The following AUTS2 variants were observed in gnomAD, a reference collection of about 807,000 sequenced individuals.
AUTS2 encodes the protein activator of transcription and developmental regulator AUTS2.
In AUTS2, 17 loss-of-function variants were observed where a neutral mutation model predicts 112.4. The ratio of observed to expected loss-of-function variants is 0.15; its 90% CI spans 0.10 to 0.23. The LOEUF (loss-of-function observed/expected upper bound fraction) is 0.23. AUTS2 is among the 10% of genes least tolerant of loss of function. The pLI, the probability that AUTS2 is intolerant of heterozygous loss-of-function variation, is 1.00. For missense variants in AUTS2, 1,510 were observed against 1,701.6 expected, an observed-to-expected ratio of 0.89 and a Z score of 1.98; for synonymous variants, 751 against 702.7, an observed-to-expected ratio of 1.07 and a Z score of -1.09.
At chr7:70,206,703 C>G (rs1810592344) in intron 4 of AUTS2, among the ~76,000 whole-genome samples, 1 of 152,164 alleles carries the variant, frequency 6.6e-6, no homozygotes, top group South Asian at 2.1e-4. Context: ...TTCCTTGCCT[C>G]AAAATGTAGT....
chr7:70,457,666 G>C (rs1357726598), intron 5 of AUTS2, among the ~76,000 whole-genome samples: 1 of 152,158 alleles, frequency 6.6e-6, no homozygotes, highest in Non-Finnish European at 1.5e-5. Context: ...GTGGTGGAGG[G>C]AGTGGAATTT....
chr7:70,281,429 G>T (rs1246532324), intron 4 of AUTS2, among the ~76,000 whole-genome samples: 1 of 152,202 alleles, frequency 6.6e-6, no homozygotes, highest in African/African-American at 2.4e-5. Flanking sequence ...TGCTTTGATC[G>T]TCTCTTGGTG....
At chr7:69,662,399 T>C (rs1295047171) in intron 1 of AUTS2, among the ~76,000 whole-genome samples, 1 of 152,138 alleles carries the variant, frequency 6.6e-6, no homozygotes, top group Non-Finnish European at 1.5e-5. Context: ...TTACTGCATG[T>C]TGCAGGAGTA....
chr7:69,685,397 T>G (rs55773107), intron 1 of AUTS2, among the ~76,000 whole-genome samples: 2,352 of 152,264 alleles, frequency 0.015, 61 homozygotes, highest in African/African-American at 0.05. Flanking sequence ...AGGTCACAGT[T>G]CTCTATTCCT....
intron 4 of AUTS2, among the ~76,000 whole-genome samples, chr7:70,323,894 G>T (rs1389869528): frequency 1.3e-5 from 2 of 152,138 alleles, no homozygotes; most frequent in Non-Finnish European, 2.9e-5. Context: ...AAATATAGGT[G>T]ATTCAATAAA....
chr7:70,570,166 T>G (rs1257426688), intron 5 of AUTS2, among the ~76,000 whole-genome samples: 1 of 152,212 alleles, frequency 6.6e-6, no homozygotes, highest in African/African-American at 2.4e-5. Context: ...GACAGTAGGT[T>G]AGGCAGGTCT....
chr7:70,659,535 G>A (rs1806955976), intron 5 of AUTS2, among the ~76,000 whole-genome samples: 1 of 152,110 alleles, frequency 6.6e-6, no homozygotes, highest in Non-Finnish European at 1.5e-5. Flanking sequence ...TTCCTTGTTT[G>A]TAACATAGGG....
intron 5 of AUTS2, among the ~76,000 whole-genome samples, chr7:70,571,168 G>A (rs1267283325): frequency 6.6e-6 from 1 of 152,206 alleles, no homozygotes; most frequent in African/African-American, 2.4e-5. Context: ...GAGCAATAAA[G>A]ATTAGAAGAA....
intron 1 of AUTS2, among the ~76,000 whole-genome samples, chr7:69,618,307 T>C (rs954941111): frequency 4.6e-5 from 7 of 152,188 alleles, no homozygotes; most frequent in African/African-American, 1.4e-4. Flanking sequence ...CACAACCCAC[T>C]TCTGTGACTC....
chr7:70,299,774 A>T (rs1308009169), intron 4 of AUTS2, among the ~76,000 whole-genome samples: 4 of 151,884 alleles, frequency 2.6e-5, no homozygotes, highest in Non-Finnish European at 4.4e-5. Flanking sequence ...GACCTATAGA[A>T]TCGGTATGTC....
chr7:70,682,866 C>T (rs1808280108), intron 5 of AUTS2, among the ~76,000 whole-genome samples: 1 of 152,242 alleles, frequency 6.6e-6, no homozygotes, highest in Non-Finnish European at 1.5e-5. Context: ...GCTGGGAACT[C>T]AGCTAGCCCT....
intron 5 of AUTS2, among the ~76,000 whole-genome samples, chr7:70,682,800 G>C (rs78499703): frequency 6.6e-6 from 1 of 152,248 alleles, no homozygotes; most frequent in Non-Finnish European, 1.5e-5. Context: ...TGGAGCTGGC[G>C]GAGCCACACC....
At chr7:69,903,184 A>G (rs1359018691) in intron 2 of AUTS2, among the ~76,000 whole-genome samples, 2 of 152,128 alleles carry the variant, frequency 1.3e-5, no homozygotes, top group Non-Finnish European at 2.9e-5. Context: ...GCCTCTCCTT[A>G]AGGAGCTTTA....
intron 1 of AUTS2, among the ~76,000 whole-genome samples, chr7:69,723,829 A>G (rs1212589456): frequency 3.9e-5 from 6 of 152,176 alleles, no homozygotes; most frequent in Non-Finnish European, 7.3e-5. Context: ...ACAACTCATT[A>G]CACTCTAACG....
intron 5 of AUTS2, among the ~76,000 whole-genome samples, chr7:70,566,093 T>C (rs1011380080): frequency 6.6e-6 from 1 of 152,184 alleles, no homozygotes; most frequent in Non-Finnish European, 1.5e-5. Flanking sequence ...GTCCAGAATA[T>C]GAAGCAAAGA....
At chr7:70,070,820 C>T (rs571601732) in intron 2 of AUTS2, among the ~76,000 whole-genome samples, 161 of 150,332 alleles carry the variant, frequency 1.1e-3, no homozygotes, top group Non-Finnish European at 1.9e-3. Context: ...TGCGGTGAGC[C>T]GCGATCAAGA....
intron 2 of AUTS2, among the ~76,000 whole-genome samples, chr7:70,098,552 A>G (rs1291950261): frequency 6.6e-6 from 1 of 152,126 alleles, no homozygotes; most frequent in Non-Finnish European, 1.5e-5. Context: ...GGTGGTTGAC[A>G]GCCTGGAGTC....
intron 5 of AUTS2, among the ~76,000 whole-genome samples, chr7:70,665,553 G>A (rs980569950): frequency 2.5e-4 from 38 of 151,556 alleles, no homozygotes; most frequent in Admixed American, 5.9e-4. Context: ...TTCCCGCCTC[G>A]GCCTCCCAAA....
chr7:70,785,424 G>T, intron 16 of AUTS2: 1 of 484,304 alleles, frequency 2.1e-6, no homozygotes, highest in South Asian at 1.5e-5. Context: ...ATGGAGAGGA[G>T]TTATTCTACA....
Sources: allele counts gnomAD v4.1 joint callset (sites outside exome capture counted in the v4.1 genomes callset), GRCh38; gene constraint gnomAD v4.1.1; transcripts MANE v1.5; gene names NCBI Gene and HGNC (gene_info 2026-07-23, HGNC 2026-07-21).